CSMD2: variants seen among roughly 807,000 people sequenced by gnomAD.
CSMD2 encodes CUB and Sushi multiple domains 2.
A neutral mutation model predicts 398.5 loss-of-function variants in CSMD2; 130 were observed. The observed-to-expected ratio is 0.33, with a 90% confidence interval of 0.28 to 0.38. CSMD2 has a LOEUF of 0.38. Among genes scored for constraint, CSMD2 ranks in the 10% least tolerant of loss-of-function variants. The pLI is 1.00. For missense variants in CSMD2, 3,829 were observed against 4,764.9 expected (o/e 0.80, Z 5.78); for synonymous variants, 1,828 against 1,908.5 (o/e 0.96, Z 1.10).
chr1:34,024,678 T>C (rs908469432), intron 3 of CSMD2, among the ~76,000 whole-genome samples: 1 of 152,158 alleles, frequency 6.6e-6, no homozygotes, highest in Admixed American at 6.5e-5. Flanking sequence ...ACACCATCCC[T>C]CCTGAGCGGA....
At chr1:33,550,388 A>T (rs371086929) in intron 55 of CSMD2, 38 bp from the exon 56 acceptor site, 49 of 1,591,844 alleles carry the variant, frequency 3.1e-5, no homozygotes, top group Non-Finnish European at 4.0e-5. Flanking sequence ...GACTCTGCAC[A>T]GGGATGGCTC....
At chr1:33,938,423 CATGTTG>C (rs1644550849) in intron 3 of CSMD2, among the ~76,000 whole-genome samples, 1 of 151,368 alleles carries the variant, frequency 6.6e-6, no homozygotes, top group African/African-American at 2.4e-5. Context: ...CCCATGATCC[CATGTTG>C]CTGGCTTACT....
At chr1:33,789,103 G>A (rs990078054) in intron 11 of CSMD2, among the ~76,000 whole-genome samples, 4 of 152,040 alleles carry the variant, frequency 2.6e-5, no homozygotes, top group African/African-American at 7.2e-5. Flanking sequence ...AAAGACCACC[G>A]CCACCCCCAC....
intron 1 of CSMD2, among the ~76,000 whole-genome samples, chr1:34,129,389 C>T (rs553313982): frequency 1.2e-4 from 19 of 152,326 alleles, no homozygotes; most frequent in East Asian, 1.9e-4. Flanking sequence ...CAGTGGCTCA[C>T]GCCTGTAATC....
intron 2 of CSMD2, among the ~76,000 whole-genome samples, chr1:34,060,786 T>C (rs994649782): frequency 6.6e-6 from 1 of 152,162 alleles, no homozygotes; most frequent in African/African-American, 2.4e-5. Context: ...ATGAATCCCT[T>C]TAATGGAAAA....
At chr1:34,028,742 T>C (rs1650023043) in intron 3 of CSMD2, among the ~76,000 whole-genome samples, 3 of 152,222 alleles carry the variant, frequency 2.0e-5, no homozygotes, top group African/African-American at 4.8e-5. Context: ...AGATAATGTA[T>C]GTAAAGTGCC....
intron 25 of CSMD2, among the ~76,000 whole-genome samples, chr1:33,666,318 T>G (rs923518205): frequency 2.6e-5 from 4 of 152,234 alleles, no homozygotes; most frequent in African/African-American, 9.6e-5. Context: ...AGATAATTGA[T>G]ATCTTTATGT....
intron 5 of CSMD2, among the ~76,000 whole-genome samples, chr1:33,898,798 T>C (rs1228223326): frequency 6.6e-6 from 1 of 152,150 alleles, no homozygotes; most frequent in African/African-American, 2.4e-5. Flanking sequence ...GGTGGAAAGA[T>C]GGAGGCCACG....
intron 32 of CSMD2, among the ~76,000 whole-genome samples, chr1:33,627,802 T>C (rs1006174020): frequency 2.6e-5 from 4 of 152,270 alleles, no homozygotes; most frequent in African/African-American, 9.6e-5. Flanking sequence ...CATCTCCAAC[T>C]CCTCCTCCAG....
intron 57 of CSMD2, 150 bp downstream of exon 57, chr1:33,545,887 T>C (rs1336079720): frequency 4.0e-5 from 25 of 631,830 alleles, no homozygotes; most frequent in Non-Finnish European, 6.3e-5. Context: ...TGCACATGAA[T>C]TATCTGTTGC....
intron 1 of CSMD2, among the ~76,000 whole-genome samples, chr1:34,115,874 C>T (rs963197316): frequency 2.6e-5 from 4 of 151,870 alleles, no homozygotes; most frequent in Non-Finnish European, 4.4e-5. Flanking sequence ...GGCTTATTAT[C>T]AGTCTAAGAC....
chr1:33,724,828 T>A (rs1646475372), intron 17 of CSMD2, 124 bp from the exon 18 acceptor site: 2 of 865,086 alleles, frequency 2.3e-6, no homozygotes, highest in African/African-American at 3.4e-5. Context: ...AATTACTGAC[T>A]CATGAAATGT....
intron 9 of CSMD2, among the ~76,000 whole-genome samples, chr1:33,811,832 G>C (rs1656903809): frequency 6.6e-6 from 1 of 152,196 alleles, no homozygotes; most frequent in African/African-American, 2.4e-5. Context: ...AAGGTTCTAA[G>C]AGCCTGTTCT....
At chr1:34,018,960 T>C (rs1648514828) in intron 3 of CSMD2, among the ~76,000 whole-genome samples, 1 of 152,254 alleles carries the variant, frequency 6.6e-6, no homozygotes, top group African/African-American at 2.4e-5. Flanking sequence ...GTCGCAACTA[T>C]GTGAAATTAT....
At chr1:34,082,518 C>G (rs1657353745) in intron 2 of CSMD2, among the ~76,000 whole-genome samples, 1 of 151,978 alleles carries the variant, frequency 6.6e-6, no homozygotes, top group Non-Finnish European at 1.5e-5. Context: ...GCCTGGCCGC[C>G]ACGTCTGGGG....
Position 33,533,158 on chromosome 1 carries a change from A to G in CSMD2, c.10063T>C (p.Tyr3355His), listed in dbSNP as rs777628506. The G allele has an allele frequency of 6.2e-6, 10 of 1,614,082 alleles. No individual in the cohort carries two copies. The highest frequency in any genetic ancestry group is 8.5e-6 in the Non-Finnish European group (10 of 1,180,010). ...TCCTGGCAGGAGTAGATGAGCGTGT[A>G]GCCCATGGAGGGCAAATCCAGGGCC... Reference protein sequence around the residue: ...VGALDLPSMGYTLIYSCQEGF... With the variant: ...VGALDLPSMGHTLIYSCQEGF... Residue 3355 changes from tyrosine to histidine, a missense_variant, in exon 64 of 71, where the codon TAC (tyrosine) becomes CAC (histidine). Transcript: ENST00000373381. The surrounding 1 kb of genome is among the most constrained non-coding windows in gnomAD (Gnocchi z 4.2).
At chr1:34,079,522 C>T (rs192546143) in intron 2 of CSMD2, among the ~76,000 whole-genome samples, 7 of 152,136 alleles carry the variant, frequency 4.6e-5, no homozygotes, top group Admixed American at 2.6e-4. Context: ...TGAAGAGGAA[C>T]GATAACATGT....
chr1:33,779,042 T>A (rs1426486228), intron 12 of CSMD2, among the ~76,000 whole-genome samples: 1 of 152,186 alleles, frequency 6.6e-6, no homozygotes, highest in Non-Finnish European at 1.5e-5. Flanking sequence ...CCCCTGGCTC[T>A]TCCTTCTATT....
intron 25 of CSMD2, among the ~76,000 whole-genome samples, chr1:33,670,449 C>G (rs1354804790): frequency 6.6e-6 from 1 of 152,208 alleles, no homozygotes; most frequent in East Asian, 1.9e-4. Flanking sequence ...CAAGAGGCAA[C>G]TTAAACAAAT....
Sources: allele counts gnomAD v4.1 joint callset (sites outside exome capture counted in the v4.1 genomes callset), GRCh38; gene constraint gnomAD v4.1.1; non-coding constraint Gnocchi (gnomAD v3.1); transcripts MANE v1.5; gene names NCBI Gene and HGNC (gene_info 2026-07-23, HGNC 2026-07-21).